LGI4: variants seen among roughly 807,000 people sequenced by gnomAD.
LGI4 encodes leucine-rich repeat LGI family member 4.
In LGI4, 36 loss-of-function variants were observed where a neutral mutation model predicts 48.3. That is an observed-to-expected ratio of 0.75 (90% confidence interval 0.57 to 0.98). LGI4 has a LOEUF of 0.98. LGI4 is among the 50% of genes least tolerant of loss of function. The pLI is 0.00. For missense variants in LGI4, 701 were observed against 732.1 expected, an observed-to-expected ratio of 0.96 and a Z score of 0.49; for synonymous variants, 355 against 331.6, an observed-to-expected ratio of 1.07 and a Z score of -0.77.
intron 1 of LGI4, 80 bp downstream of exon 1, chr19:35,134,431 G>T: frequency 7.1e-7 from 1 of 1,413,458 alleles, no homozygotes; most frequent in South Asian, 1.3e-5. Context: ...TTTCCCTGGA[G>T]ACCCGGCACC....
chr19:35,125,868 T>C, intron 8 of LGI4: 1 of 561,448 alleles, frequency 1.8e-6, no homozygotes, highest in Non-Finnish European at 3.4e-6. Context: ...CCAGAGACCT[T>C]GTGAACACCT....
intron 6 of LGI4, among the ~76,000 whole-genome samples, chr19:35,127,633 G>T (rs1314214588): frequency 6.6e-6 from 1 of 152,046 alleles, no homozygotes; most frequent in Non-Finnish European, 1.5e-5. Context: ...TAATCTGCCC[G>T]CCTCGGCCTC....
Position 35,126,837 on chromosome 19 carries a change from C to T in LGI4, c.793+16G>A, listed in dbSNP as rs759509868. ...GCAGGCTGCTGGACAGGCAGAAGGACGGGGAGGGGGCTCACCGGGCAGCTC... is the reference window on the plus strand; with the variant it reads ...GCAGGCTGCTGGACAGGCAGAAGGATGGGGAGGGGGCTCACCGGGCAGCTC... On this transcript the variant is annotated intron_variant, in intron 7 of 8. Coordinates refer to ENST00000310123, the MANE Select transcript of LGI4 (RefSeq NM_139284.3). 13 of 1,605,388 alleles carry T rather than the reference C, an allele frequency of 8.1e-6. No individual in the cohort carries two copies. The highest frequency in any genetic ancestry group is 1.3e-5 in the African/African-American group (1 of 74,832).
At chr19:35,131,915 TG>T (rs971484223) in intron 4 of LGI4, 55 bp from the exon 5 acceptor site, 5 of 1,566,414 alleles carry the variant, frequency 3.2e-6, no homozygotes, top group African/African-American at 2.7e-5. Flanking sequence ...CTGTGTTCCC[TG>T]GGGGGTGGAG....
At chr19:35,126,072 G>A in intron 8 of LGI4, 198 bp downstream of exon 8, 1 of 623,234 alleles carries the variant, frequency 1.6e-6, no homozygotes, top group Non-Finnish European at 2.8e-6. Context: ...CAGGATGTTG[G>A]GGCCAGCATC....
chr19:35,130,019 C>G (rs1167058053), intron 6 of LGI4, among the ~76,000 whole-genome samples: 1 of 152,092 alleles, frequency 6.6e-6, no homozygotes, highest in East Asian at 1.9e-4. Flanking sequence ...ATAAATCTGG[C>G]CTACGTGCAC....
At chr19:35,128,370 C>T (rs2065153768) in intron 6 of LGI4, among the ~76,000 whole-genome samples, 1 of 152,126 alleles carries the variant, frequency 6.6e-6, no homozygotes. Flanking sequence ...ATAATGCCCA[C>T]CTAAAGGGCG....
Position 35,134,692 on chromosome 19 carries a change from C to A in LGI4, c.-12G>T. The A allele has an allele frequency of 1.2e-5, 16 of 1,388,394 alleles. No homozygotes were observed. The highest frequency in any genetic ancestry group is 1.6e-5 in the Non-Finnish European group (16 of 1,021,808). The allele number at this position is 1,388,394 out of a possible 1,614,324, so 86.0% of individuals were successfully genotyped here. ...CCTGCCCCTCCCATGCCCCCACCCC[C>A]ACTCTGAGGCACCCGCTTCTCCCGG... On this transcript the variant is annotated 5_prime_UTR_variant, in exon 1 of 9. Transcript: ENST00000310123.
Position 35,129,413 on chromosome 19 carries a change from A to G in LGI4, c.628+1973T>C, listed in dbSNP as rs1295987810. 2.0e-5 allele frequency among the ~76,000 whole-genome samples: 3 copies of G among 152,250 alleles called. No homozygotes were observed. In the South Asian group the frequency reaches 6.2e-4, roughly 32 times the overall value. On this transcript the variant is annotated intron_variant, in intron 6 of 8. Transcript: ENST00000310123. Reference sequence around the variant, plus strand: ...TGTCTATGCAGAAAAAGGAAGACATAAGAAACTCCATTTTGATTTGTACTA... The same window carrying G: ...TGTCTATGCAGAAAAAGGAAGACATGAGAAACTCCATTTTGATTTGTACTA...
chr19:35,127,119 A>AC (rs2065146024), intron 6 of LGI4, 102 bp from the exon 7 acceptor site: 1 of 1,207,028 alleles, frequency 8.3e-7, no homozygotes, highest in Non-Finnish European at 1.1e-6. Flanking sequence ...CATTCATGGT[A>AC]CCCCCCTCAT....
Position 35,127,013 on chromosome 19 carries a change from C to T in LGI4, c.633G>A (p.Leu211=), listed in dbSNP as rs1425899744. The T allele has an allele frequency of 3.1e-6, 5 of 1,588,698 alleles. No individual in the cohort carries two copies. Among genetic ancestry groups the T allele is most frequent in the Non-Finnish European group, 4.3e-6 (5 of 1,163,278 alleles). The change falls in exon 7 of 9, where the codon CTG becomes CTA. Residue 211 remains leucine (L), a synonymous_variant. Transcript: ENST00000310123. The part of the protein sequence containing the change: ...PKTFKCRAIE[L]SWFQTVGESA... The stretch of plus-strand genomic sequence containing the variant: ...ACTCCCCCACCGTCTGGAACCAGGA[C>T]AGCTCTGTGGGTGGAGAAGAGAGTC...
Position 35,131,474 on chromosome 19 carries a change from C to T in LGI4, c.540G>A (p.Val180=), listed in dbSNP as rs1482222270. 3 of 1,551,306 alleles carry T rather than the reference C, an allele frequency of 1.9e-6. No individual in the cohort carries two copies. The highest frequency in any genetic ancestry group is 1.4e-5 in the African/African-American group (1 of 73,074). Residue 180 remains valine (V), a synonymous_variant, in exon 6 of 9, where the codon GTG becomes GTA. Coordinates refer to ENST00000310123, the MANE Select transcript of LGI4 (RefSeq NM_139284.3). ...LQWMPTVNAS[V]GTGACAGPAS... ...CGGGGCCCGCACAGGCGCCGGTCCC[C>T]ACGCTGGCATTCACGGTGGGCATCC...
intron 3 of LGI4, 51 bp from the exon 4 acceptor site, chr19:35,132,093 G>C: frequency 6.9e-7 from 1 of 1,453,272 alleles, no homozygotes; most frequent in Non-Finnish European, 9.5e-7. Context: ...TTCAGGGAAC[G>C]CACCCCATGA....
Position 35,125,125 on chromosome 19 carries a change from G to A in LGI4, c.*68C>T, listed in dbSNP as rs1355564721. 4.3e-6 allele frequency: 6 copies of A among 1,389,178 alleles called. No homozygotes were observed. Among genetic ancestry groups the A allele is most frequent in the Non-Finnish European group, 5.8e-6 (6 of 1,032,568 alleles). The allele number at this position is 1,389,178 out of a possible 1,614,324, so 86.1% of individuals were successfully genotyped here. A position where few individuals can be genotyped will look rare whatever the true frequency, so the allele number is the denominator to read the frequency against. ...GCTCACAGGCGGGCCATCACCCCAA[G>A]TAGGGCCAGGAGCCAGCCAAGGGGC... On this transcript the variant is annotated 3_prime_UTR_variant, in exon 9 of 9. Coordinates refer to ENST00000310123, the MANE Select transcript of LGI4 (RefSeq NM_139284.3).
In LGI4 at chr19:35,134,047, C is replaced by T. The variant is rs750524905; in HGVS notation, c.228G>A (p.Pro76=). The T allele has an allele frequency of 1.7e-5, 26 of 1,562,908 alleles. No homozygotes were observed. The highest frequency in any genetic ancestry group is 4.1e-5 in the African/African-American group (3 of 73,722). Residue 76 remains proline (P), a synonymous_variant, in exon 2 of 9, where the codon CCG becomes CCA. Transcript: ENST00000310123. ...GCCCCACTCACAGCAGGTGCAGAGA[C>T]GGAATTCTCAGGAAGCTGCCGGCCT... The part of the protein sequence containing the change: ...QLKAGSFLRI[P]SLHLLLFTSN...
chr19:35,132,155 A>G, intron 3 of LGI4, 113 bp from the exon 4 acceptor site: 1 of 880,782 alleles, frequency 1.1e-6, no homozygotes, highest in Non-Finnish European at 1.8e-6. Context: ...ACCACGGACA[A>G]TCCCAGGGAA....
At position 35,125,494 on chromosome 19, in the gene LGI4, T is replaced by A. The variant is rs145856594; in HGVS notation, c.1313A>T (p.Asp438Val). Reference sequence around the variant, plus strand: ...CTGCAGCAGACGAAACATGGAGCCGTCCCAGCGCATGACCTGTGGGGGTGT... The same window carrying A: ...CTGCAGCAGACGAAACATGGAGCCGACCCAGCGCATGACCTGTGGGGGTGT... Reference protein sequence around the residue: ...YIGDSMVMRWDGSMFRLLQQL... With the variant: ...YIGDSMVMRWVGSMFRLLQQL... Residue 438 changes from aspartate to valine, a missense_variant, in exon 9 of 9, where the codon GAC becomes GTC. Physicochemically the swap from Asp to Val is radical, Grantham distance 152 (BLOSUM62 -3). This residue lies in a region of LGI4 where 223 missense variants were observed against 263.3 expected (regional missense o/e 0.85). Coordinates refer to ENST00000310123, the MANE Select transcript of LGI4 (RefSeq NM_139284.3). The A allele has an allele frequency of 7.7e-6, 12 of 1,561,568 alleles. No homozygotes were observed. Among genetic ancestry groups the A allele is most frequent in the Non-Finnish European group, 1.0e-5 (12 of 1,151,182 alleles).
chr19:35,128,806 G>A (rs891773754), intron 6 of LGI4, among the ~76,000 whole-genome samples: 3 of 152,062 alleles, frequency 2.0e-5, no homozygotes, highest in Non-Finnish European at 2.9e-5. Flanking sequence ...ATCCATACCT[G>A]TCCCTCCACT....
intron 6 of LGI4, among the ~76,000 whole-genome samples, chr19:35,129,127 C>T (rs1013823845): frequency 2.0e-5 from 3 of 152,142 alleles, no homozygotes; most frequent in Non-Finnish European, 2.9e-5. Context: ...CGGCTCAGGT[C>T]GCAACCACAG....
Sources: gnomAD v4.1 joint callset for allele counts (sites outside exome capture counted in the v4.1 genomes callset) on GRCh38, gnomAD v4.1.1 for gene constraint, gnomAD v4.1.1 regional missense constraint, MANE v1.5 for transcripts, NCBI Gene and HGNC (gene_info 2026-07-23, HGNC 2026-07-21) for gene names.